CDYL: variants seen among roughly 807,000 people sequenced by gnomAD.
CDYL encodes chromodomain Y like.
CDYL carries 8 observed loss-of-function variants against 47.3 expected under a neutral mutation model. That is an observed-to-expected ratio of 0.17 (90% confidence interval 0.10 to 0.31). CDYL has a LOEUF of 0.31. Among genes scored for constraint, CDYL ranks in the 10% least tolerant of loss-of-function variants. The probability of loss-of-function intolerance (pLI) is 1.00; values close to 1 mark genes in which losing one functional copy is unlikely to be tolerated. For synonymous variants in CDYL, 266 were observed against 265.0 expected (o/e 1.00, Z -0.04); for missense variants, 471 against 701.4 (o/e 0.67, Z 3.71).
At position 4,815,647 on chromosome 6, in the gene CDYL, G is replaced by A. The variant is rs577854479; in HGVS notation, c.24+38840G>A. 9.1e-5 allele frequency among the ~76,000 whole-genome samples: 13 copies of A among 142,468 alleles called. No homozygotes were observed. The South Asian group carries it at 1.8e-3, about 20-fold the overall frequency. The allele number at this position is 142,468 out of a possible 152,430, so 93.5% of individuals were successfully genotyped here. A position where few individuals can be genotyped will look rare whatever the true frequency, so the allele number is the denominator to read the frequency against. ...TAATCTAATGGACAGAAATTGGCAT[G>A]TGATTGTTGTAATAGTGAGATTTCA... On this transcript the variant is annotated intron_variant, in intron 1 of 6. Coordinates refer to ENST00000397588, the MANE Select transcript of CDYL (RefSeq NM_004824.4).
chr6:4,815,464 A>G (rs1759645155), intron 1 of CDYL, among the ~76,000 whole-genome samples: 1 of 152,150 alleles, frequency 6.6e-6, no homozygotes. Context: ...GGTTGTTTAC[A>G]GTTTTTTCCA....
chr6:4,803,979 CTTTT>C, intron 1 of CDYL, among the ~76,000 whole-genome samples: 1 of 133,188 alleles, frequency 7.5e-6, no homozygotes, highest in Admixed American at 7.5e-5. Context: ...GCGTAGCGTG[CTTTT>C]TTTTTTTTTT....
At chr6:4,910,835 T>TC in intron 2 of CDYL, among the ~76,000 whole-genome samples, 1 of 151,102 alleles carries the variant, frequency 6.6e-6, no homozygotes, top group South Asian at 2.1e-4. Context: ...AGAAAGGATT[T>TC]TTTTTTTTTT....
intron 3 of CDYL, 107 bp from the exon 4 acceptor site, chr6:4,937,458 T>C: frequency 1.2e-6 from 1 of 841,232 alleles, no homozygotes; most frequent in Non-Finnish European, 1.7e-6. Flanking sequence ...ATTAAACCAC[T>C]GCACGCCAAC....
rs532370209 is a variant in CDYL, at chr6:4,825,593, C to T, written c.24+48786C>T. On this transcript the variant is annotated intron_variant, in intron 1 of 6. Transcript: ENST00000397588. ...CTTTTCTGCATTGATTGAGGTGATCCTGTGGTTTTCCTTTCTTTGATTTTT... is the reference window on the plus strand; with the variant it reads ...CTTTTCTGCATTGATTGAGGTGATCTTGTGGTTTTCCTTTCTTTGATTTTT... Among the ~76,000 whole-genome samples the T allele has an allele frequency of 1.1e-4, 16 of 152,174 alleles. No homozygotes were observed. The South Asian group carries it at 2.9e-3, about 28-fold the overall frequency.
chr6:4,887,308 A>T (rs1430640869), intron 1 of CDYL, among the ~76,000 whole-genome samples: 1 of 152,218 alleles, frequency 6.6e-6, no homozygotes, highest in Non-Finnish European at 1.5e-5. Context: ...TATTAACAGT[A>T]TTAAGTCCCC....
At chr6:4,784,472 G>A (rs1002238869) in intron 1 of CDYL, among the ~76,000 whole-genome samples, 1 of 152,174 alleles carries the variant, frequency 6.6e-6, no homozygotes, top group Non-Finnish European at 1.5e-5. Context: ...TTGAGGCTTT[G>A]AACCAACACT....
chr6:4,739,281 G>T lies in CDYL; in HGVS notation c.186+4437G>T, dbSNP rs1666471245. Among the ~76,000 whole-genome samples the T allele has an allele frequency of 2.0e-5, 3 of 151,970 alleles. No homozygotes were observed. In the South Asian group the frequency reaches 6.2e-4, roughly 32 times the overall value. ...TCCTGTAATCCTAGCACTTTGGGAGGCTGAGGTGGGTGAATGACCTGAGGT... is the reference window on the plus strand; with the variant it reads ...TCCTGTAATCCTAGCACTTTGGGAGTCTGAGGTGGGTGAATGACCTGAGGT... On this transcript the variant is annotated intron_variant, in intron 3 of 8. Coordinates refer to the CDYL transcript ENST00000328908.
chr6:4,712,830 G>C (rs73356662), intron 1 of CDYL, among the ~76,000 whole-genome samples: 1 of 152,204 alleles, frequency 6.6e-6, no homozygotes, highest in African/African-American at 2.4e-5. Context: ...GTTCTTTCCA[G>C]CCTTCACTCT....
At chr6:4,808,993 G>A (rs1360974384) in intron 1 of CDYL, among the ~76,000 whole-genome samples, 1 of 152,194 alleles carries the variant, frequency 6.6e-6, no homozygotes, top group African/African-American at 2.4e-5. Context: ...GTGCACCAGG[G>A]TATACACTCA....
At chr6:4,950,311 C>T (rs1440894212) in intron 5 of CDYL, among the ~76,000 whole-genome samples, 6 of 152,216 alleles carry the variant, frequency 3.9e-5, no homozygotes, top group Non-Finnish European at 4.4e-5. Flanking sequence ...CTTGCCTCCG[C>T]TGCCCAAGCT....
upstream of CDYL, among the ~76,000 whole-genome samples, chr6:4,775,592 G>A (rs1454508290): frequency 2.0e-5 from 3 of 151,930 alleles, no homozygotes; most frequent in African/African-American, 7.2e-5. The surrounding 1 kb of genome is among the most constrained non-coding windows in gnomAD (Gnocchi z 7.0). Flanking sequence ...CCTGGCGTGG[G>A]GGGAGCTGCG....
intron 3 of CDYL, among the ~76,000 whole-genome samples, chr6:4,745,012 G>A (rs1005934458): frequency 5.1e-4 from 77 of 152,164 alleles, no homozygotes; most frequent in African/African-American, 1.7e-3. Context: ...AGGTTGGAGT[G>A]CAGTGGCATG....
intron 2 of CDYL, among the ~76,000 whole-genome samples, chr6:4,910,295 A>G (rs1334762395): frequency 6.6e-6 from 1 of 152,250 alleles, no homozygotes; most frequent in Admixed American, 6.5e-5. Context: ...CAGGTTTGTT[A>G]AACAGTGACT....
At chr6:4,711,921 G>A (rs537163881) in intron 1 of CDYL, among the ~76,000 whole-genome samples, 4 of 152,136 alleles carry the variant, frequency 2.6e-5, no homozygotes, top group Non-Finnish European at 2.9e-5. Context: ...AAAAATTAGC[G>A]CGGTGTGGTG....
chr6:4,716,028 C>T, intron 2 of CDYL: 1 of 1,228,658 alleles, frequency 8.1e-7, no homozygotes, highest in Non-Finnish European at 1.1e-6. Context: ...GCGGGCGGAT[C>T]ATGAGGTCAG....
chr6:4,950,887 G>A (rs967174962), intron 5 of CDYL, among the ~76,000 whole-genome samples: 28 of 147,660 alleles, frequency 1.9e-4, no homozygotes, highest in African/African-American at 6.5e-4. Context: ...AGCCGATATT[G>A]CACCACTGCA....
At chr6:4,852,288 G>A (rs1276948893) in intron 1 of CDYL, among the ~76,000 whole-genome samples, 1 of 152,128 alleles carries the variant, frequency 6.6e-6, no homozygotes, top group Non-Finnish European at 1.5e-5. Flanking sequence ...GGCAAATGAT[G>A]ATTCCTCCTA....
At chr6:4,843,584 A>C (rs1323308364) in intron 1 of CDYL, among the ~76,000 whole-genome samples, 1 of 149,274 alleles carries the variant, frequency 6.7e-6, no homozygotes, top group Non-Finnish European at 1.5e-5. Flanking sequence ...TTAAGCTCTG[A>C]AGTTCTTTAT....
Sources: gnomAD v4.1 joint callset for allele counts (sites outside exome capture counted in the v4.1 genomes callset) on GRCh38, gnomAD v4.1.1 for gene constraint, Gnocchi (gnomAD v3.1) non-coding constraint, MANE v1.5 for transcripts, NCBI Gene and HGNC (gene_info 2026-07-23, HGNC 2026-07-21) for gene names.